ZNRF1: variants seen among roughly 807,000 people sequenced by gnomAD.
The protein encoded by ZNRF1 is zinc and ring finger 1, also known as E3 ubiquitin-protein ligase ZNRF1.
Under a neutral mutation model 18.4 loss-of-function variants are expected in ZNRF1, and 3 were observed. The observed-to-expected ratio is 0.16, with a 90% CI of 0.07 to 0.42. The LOEUF (loss-of-function observed/expected upper bound fraction) is 0.42. Among genes scored for constraint, ZNRF1 ranks in the 10% least tolerant of loss-of-function variants. The pLI, the probability that ZNRF1 is intolerant of heterozygous loss-of-function variation, is 0.99. For synonymous variants in ZNRF1, 157 were observed against 144.2 expected (o/e 1.09, Z -0.64); for missense variants, 310 against 329.8 (o/e 0.94, Z 0.47).
intron 1 of ZNRF1, among the ~76,000 whole-genome samples, chr16:75,063,895 A>G (rs972989234): frequency 6.6e-6 from 1 of 152,220 alleles, no homozygotes; most frequent in African/African-American, 2.4e-5. Flanking sequence ...TGCCCCCCTC[A>G]TGCTAGGTGG....
chr16:75,086,559 G>C (rs1193308039), intron 1 of ZNRF1, among the ~76,000 whole-genome samples: 1 of 152,186 alleles, frequency 6.6e-6, no homozygotes, highest in Non-Finnish European at 1.5e-5. Context: ...CTGTGTCTTT[G>C]AGGGTGAAGA....
At chr16:75,096,638 C>G (rs552926378) in intron 2 of ZNRF1, among the ~76,000 whole-genome samples, 1 of 152,220 alleles carries the variant, frequency 6.6e-6, no homozygotes, top group African/African-American at 2.4e-5. Context: ...TGAAGACTTC[C>G]CATTTACACA....
chr16:75,075,141 T>C (rs1479043917), intron 1 of ZNRF1, among the ~76,000 whole-genome samples: 1 of 152,118 alleles, frequency 6.6e-6, no homozygotes, highest in African/African-American at 2.4e-5. Context: ...CTACTCTTCA[T>C]TGTTGGTGGG....
intron 1 of ZNRF1, among the ~76,000 whole-genome samples, chr16:75,090,255 C>T (rs779860717): frequency 1.3e-5 from 2 of 152,214 alleles, no homozygotes; most frequent in Non-Finnish European, 2.9e-5. Context: ...GACCCTGGAT[C>T]TGCACATTTC....
chr16:75,110,573 C>T lies in ZNRF1; in HGVS notation c.*2873C>T, dbSNP rs774538968. 76 of 152,334 alleles carry T rather than the reference C, an allele frequency of 5.0e-4. No homozygotes were observed. Among genetic ancestry groups the T allele is most frequent in the African/African-American group, 1.8e-3 (73 of 41,562 alleles). The allele number at this position is 152,334 out of a possible 1,614,324, so 9.4% of individuals were successfully genotyped here. ...TAATTTAATTCCAAATAGTTCCCCC[C>T]AAAATACACAAAGCAAATAAGGCCA... On this transcript the variant is annotated 3_prime_UTR_variant, in exon 5 of 5. Coordinates refer to ENST00000335325, the MANE Select transcript of ZNRF1 (RefSeq NM_032268.5).
chr16:75,032,875 T>G (rs1035560021), intron 1 of ZNRF1, among the ~76,000 whole-genome samples: 1 of 152,070 alleles, frequency 6.6e-6, no homozygotes, highest in Admixed American at 6.6e-5. Flanking sequence ...TAGTTGGGCA[T>G]GGTGGTATAT....
intron 1 of ZNRF1, among the ~76,000 whole-genome samples, chr16:75,077,810 C>G (rs961826308): frequency 6.6e-6 from 1 of 152,178 alleles, no homozygotes; most frequent in Non-Finnish European, 1.5e-5. Context: ...CTCATGGTCC[C>G]TTCCTCTAAC....
chr16:74,999,717 C>T lies in ZNRF1; in HGVS notation c.46C>T (p.Pro16Ser). ...GGCGGCCCGCTCCCGGGGCCCCTTC[C>T]CGGGGGTCTCCACCGATGACAGCGC... ...STAARSRGPF[P>S]GVSTDDSAVP... is the part of the protein sequence containing the mutation. Residue 16 changes from proline (P) to serine (S), a missense_variant, in exon 1 of 5, where the codon CCG becomes TCG. By Grantham distance (74) the Pro-to-Ser change is moderately conservative (BLOSUM62 -1). Transcript: ENST00000335325. The T allele has an allele frequency of 7.3e-6, 10 of 1,370,938 alleles. No homozygotes were observed. Among genetic ancestry groups the T allele is most frequent in the African/African-American group, 1.5e-5 (1 of 65,024 alleles). The allele number at this position is 1,370,938 out of a possible 1,614,324, so 84.9% of individuals were successfully genotyped here.
chr16:75,050,040 C>G (rs1265672284), intron 1 of ZNRF1, among the ~76,000 whole-genome samples: 1 of 152,126 alleles, frequency 6.6e-6, no homozygotes, highest in South Asian at 2.1e-4. Flanking sequence ...TTCTCCAGCT[C>G]TAGAATTTCA....
chr16:75,062,547 CTA>C (rs1035436475), intron 1 of ZNRF1, among the ~76,000 whole-genome samples: 6 of 152,258 alleles, frequency 3.9e-5, no homozygotes, highest in African/African-American at 1.4e-4. Flanking sequence ...CCTTTGTCAT[CTA>C]TGTGTGTAGC....
Position 75,082,576 on chromosome 16 carries a change from C to T in ZNRF1, c.425-10996C>T, listed in dbSNP as rs190319887. Among the ~76,000 whole-genome samples the T allele has an allele frequency of 3.1e-4, 47 of 152,252 alleles. No individual in the cohort carries two copies. The East Asian group carries it at 8.1e-3, about 26-fold the overall frequency. On this transcript the variant is annotated intron_variant, in intron 1 of 4. Transcript: ENST00000335325. ...TAAGTAGACAGGAATATGTTTGAGA[C>T]GGGGTCTTGCTCTGTCACCCAGGTT...
chr16:75,052,537 A>C (rs2035619127), intron 1 of ZNRF1, among the ~76,000 whole-genome samples: 1 of 152,176 alleles, frequency 6.6e-6, no homozygotes, highest in Non-Finnish European at 1.5e-5. Context: ...CTACCCTTTT[A>C]AATAAAGAAG....
intron 1 of ZNRF1, among the ~76,000 whole-genome samples, chr16:75,087,676 T>A (rs763725280): frequency 6.6e-6 from 1 of 152,212 alleles, no homozygotes; most frequent in Non-Finnish European, 1.5e-5. Flanking sequence ...CTGTCATTCG[T>A]TCCTTCCTCA....
intron 1 of ZNRF1, among the ~76,000 whole-genome samples, chr16:75,016,776 C>G (rs1366742068): frequency 6.7e-6 from 1 of 148,944 alleles, no homozygotes; most frequent in Admixed American, 6.7e-5. Flanking sequence ...AACTCCTGAC[C>G]TCAGGTGATT....
intron 1 of ZNRF1, among the ~76,000 whole-genome samples, chr16:75,001,805 AC>A (rs1250531494): frequency 6.6e-6 from 1 of 152,174 alleles, no homozygotes; most frequent in Non-Finnish European, 1.5e-5. Flanking sequence ...TTATTATGCT[AC>A]TACCAGGTTC....
intron 1 of ZNRF1, among the ~76,000 whole-genome samples, chr16:75,010,722 T>C (rs1236560212): frequency 7.1e-6 from 1 of 141,738 alleles, no homozygotes; most frequent in Non-Finnish European, 1.5e-5. Flanking sequence ...TTTTTTTGTT[T>C]TTTTTTTTTT....
intron 1 of ZNRF1, among the ~76,000 whole-genome samples, chr16:75,011,676 A>C (rs139768765): frequency 6.2e-4 from 94 of 152,364 alleles, no homozygotes; most frequent in African/African-American, 2.1e-3. Context: ...CTGGAAAGCT[A>C]TAAGCAAGTC....
chr16:75,011,131 A>G (rs560874249), intron 1 of ZNRF1, among the ~76,000 whole-genome samples: 1 of 152,284 alleles, frequency 6.6e-6, no homozygotes, highest in African/African-American at 2.4e-5. Context: ...TTTTGTTTCC[A>G]TCTTAAATAA....
intron 1 of ZNRF1, among the ~76,000 whole-genome samples, chr16:75,024,162 A>G (rs1170604319): frequency 3.3e-5 from 5 of 152,114 alleles, no homozygotes; most frequent in Admixed American, 1.3e-4. Context: ...GAGCCACCGC[A>G]CCCAGCCCAG....
Sources: gnomAD v4.1 joint callset for allele counts (sites outside exome capture counted in the v4.1 genomes callset) on GRCh38, gnomAD v4.1.1 for gene constraint, MANE v1.5 for transcripts, NCBI Gene and HGNC (gene_info 2026-07-23, HGNC 2026-07-21) for gene names.